NALCN: variants seen among roughly 807,000 people sequenced by gnomAD.
The protein encoded by NALCN is sodium leak channel, non-selective, also known as sodium leak channel NALCN.
Under a neutral mutation model 225.3 loss-of-function variants are expected in NALCN, and 111 were observed. That is an observed-to-expected ratio of 0.49 (90% confidence interval 0.42 to 0.58). NALCN has a LOEUF of 0.58. NALCN is among the 20% of genes least tolerant of loss of function. NALCN has a pLI of 0.00. For missense variants in NALCN, 1,378 were observed against 2,202.4 expected (o/e 0.63, Z 7.49); for synonymous variants, 764 against 769.0 (o/e 0.99, Z 0.11).
At chr13:101,171,957 A>G (rs1018081326) in intron 15 of NALCN, among the ~76,000 whole-genome samples, 4 of 152,216 alleles carry the variant, frequency 2.6e-5, no homozygotes, top group African/African-American at 9.6e-5. Flanking sequence ...TGCCACTTAG[A>G]ATTTTCAGGT....
intron 28 of NALCN, 129 bp from the exon 29 acceptor site, chr13:101,090,095 C>T: frequency 7.7e-7 from 1 of 1,300,732 alleles, no homozygotes; most frequent in South Asian, 1.4e-5. Context: ...CACATATATA[C>T]ACACACACGT....
At chr13:101,280,903 CAG>C (rs2043148080) in intron 10 of NALCN, among the ~76,000 whole-genome samples, 1 of 129,284 alleles carries the variant, frequency 7.7e-6, no homozygotes, top group Admixed American at 8.8e-5. Context: ...TTTTTTGAGA[CAG>C]AGTCTCACTC....
intron 14 of NALCN, among the ~76,000 whole-genome samples, chr13:101,188,338 A>G (rs1376416000): frequency 1.3e-5 from 2 of 152,104 alleles, no homozygotes; most frequent in Non-Finnish European, 2.9e-5. Context: ...GCTGCCACAA[A>G]TAATTGATAA....
intron 13 of NALCN, among the ~76,000 whole-genome samples, chr13:101,215,987 A>G (rs552437307): frequency 6.6e-6 from 1 of 152,106 alleles, no homozygotes; most frequent in Non-Finnish European, 1.5e-5. Context: ...ACAGCCCATC[A>G]TATTCACAAA....
chr13:101,065,341 CCTTGAAGG>C, intron 40 of NALCN, 55 bp downstream of exon 40: 2 of 1,554,448 alleles, frequency 1.3e-6, no homozygotes. Context: ...ACTGCAGAGG[CCTTGAAGG>C]CTGACAGCTG....
In NALCN at chr13:101,212,397, A is replaced by G. The variant is rs79244142; in HGVS notation, c.1626+16996T>C. 4.7e-3 allele frequency among the ~76,000 whole-genome samples: 718 copies of G among 152,296 alleles called. 8 individuals carry two copies. Among genetic ancestry groups the G allele is most frequent in the African/African-American group, 0.017 (699 of 41,578 alleles). On this transcript the variant is annotated intron_variant, in intron 13 of 43. Transcript: ENST00000251127. ...TAGAACTGAGTACATCTATTGTAGC[A>G]TATGTCACCTTTGGCTTACTTGAGA... is the stretch of plus-strand genomic sequence containing the variant.
At chr13:101,345,519 GC>G in intron 6 of NALCN, 99 bp from the exon 7 acceptor site, 1 of 1,393,888 alleles carries the variant, frequency 7.2e-7, no homozygotes, top group Non-Finnish European at 9.7e-7. Flanking sequence ...TATGTATCTG[GC>G]CAAGTGAGGT....
At chr13:101,326,826 A>G (rs2044970223) in intron 7 of NALCN, among the ~76,000 whole-genome samples, 1 of 152,198 alleles carries the variant, frequency 6.6e-6, no homozygotes, top group Non-Finnish European at 1.5e-5. Context: ...TAACAGGGCC[A>G]AATAGTCGGA....
chr13:101,346,613 A>G (rs112375309), intron 6 of NALCN, among the ~76,000 whole-genome samples: 11 of 152,262 alleles, frequency 7.2e-5, no homozygotes, highest in African/African-American at 2.2e-4. Flanking sequence ...CTCTAGGAAT[A>G]TAAGAATCCT....
chr13:101,389,021 T>A (rs2047069655), intron 3 of NALCN, among the ~76,000 whole-genome samples: 1 of 152,170 alleles, frequency 6.6e-6, no homozygotes, highest in Non-Finnish European at 1.5e-5. Context: ...ATAACAGAGA[T>A]GTTAGCATTC....
In NALCN at chr13:101,089,777, T is replaced by A; in HGVS notation, c.3391-16A>T. 2 of 1,613,770 alleles carry A rather than the reference T, an allele frequency of 1.2e-6. No homozygotes were observed. The highest frequency in any genetic ancestry group is 1.7e-4 in the Middle Eastern group (1 of 6,058). ...TTCCATGGATCTGCATAAAGGAAAA[T>A]ATGGTTATTCATCAAAACAAATGAA... On this transcript the variant is annotated splice_polypyrimidine_tract_variant and intron_variant, in intron 29 of 43. Transcript: ENST00000251127. This position sits in a 1 kb window ranked among gnomAD's most constrained non-coding sequence, Gnocchi z 4.7.
chr13:101,109,504 G>C (rs935729363), intron 20 of NALCN, among the ~76,000 whole-genome samples: 1 of 152,174 alleles, frequency 6.6e-6, no homozygotes. Context: ...AGAAATAAGA[G>C]ATAAGTGGTG....
chr13:101,316,250 T>G (rs1351567343), intron 7 of NALCN, among the ~76,000 whole-genome samples: 4 of 152,226 alleles, frequency 2.6e-5, no homozygotes, highest in African/African-American at 9.6e-5. Flanking sequence ...TAATTCATCA[T>G]GCTAATTAGC....
intron 15 of NALCN, among the ~76,000 whole-genome samples, chr13:101,151,665 A>G (rs1366446155): frequency 3.9e-5 from 6 of 152,174 alleles, no homozygotes; most frequent in Non-Finnish European, 8.8e-5. Flanking sequence ...TTTTTTCTGT[A>G]TCTATATATA....
intron 7 of NALCN, 34 bp downstream of exon 7, chr13:101,345,232 G>C (rs1192961282): frequency 1.9e-6 from 3 of 1,592,020 alleles, no homozygotes; most frequent in Non-Finnish European, 2.6e-6. Context: ...TCACAAAATA[G>C]AAACTTAAAA....
At chr13:101,122,846 T>C (rs1216854854) in intron 18 of NALCN, among the ~76,000 whole-genome samples, 1 of 152,220 alleles carries the variant, frequency 6.6e-6, no homozygotes, top group East Asian at 1.9e-4. Flanking sequence ...CTAAGGTGGA[T>C]AGCTTTGGGA....
At chr13:101,141,806 T>C (rs2037092628) in intron 17 of NALCN, among the ~76,000 whole-genome samples, 1 of 152,024 alleles carries the variant, frequency 6.6e-6, no homozygotes, top group South Asian at 2.1e-4. Flanking sequence ...CATTTTATTG[T>C]CACATGATCA....
At chr13:101,320,612 A>T (rs1280125044) in intron 7 of NALCN, among the ~76,000 whole-genome samples, 1 of 152,118 alleles carries the variant, frequency 6.6e-6, no homozygotes, top group African/African-American at 2.4e-5. Context: ...CCCATTAGAC[A>T]GTTTACTGCC....
intron 15 of NALCN, among the ~76,000 whole-genome samples, chr13:101,164,389 T>A (rs2038342337): frequency 6.6e-6 from 1 of 152,098 alleles, no homozygotes; most frequent in Non-Finnish European, 1.5e-5. Flanking sequence ...CCTCCCAGGC[T>A]CAAGTGATTC....
Sources: gnomAD v4.1 joint callset for allele counts (sites outside exome capture counted in the v4.1 genomes callset) on GRCh38, gnomAD v4.1.1 for gene constraint, Gnocchi (gnomAD v3.1) non-coding constraint, MANE v1.5 for transcripts, NCBI Gene and HGNC (gene_info 2026-07-23, HGNC 2026-07-21) for gene names.